The following PDE11A variants were observed in gnomAD, a reference collection of about 807,000 sequenced individuals.
PDE11A encodes dual 3',5'-cyclic-AMP and -GMP phosphodiesterase 11A.
PDE11A carries 100 observed loss-of-function variants against 100.5 expected under a neutral mutation model. The observed-to-expected ratio is 1.00, with a 90% CI of 0.85 to 1.18. PDE11A has a LOEUF of 1.18. Ranked by LOEUF, PDE11A falls within the 50% of genes most tolerant of loss-of-function variation. The pLI is 0.00. For missense variants in PDE11A, 1,141 were observed against 1,152.6 expected (o/e 0.99, Z 0.15); for synonymous variants, 381 against 420.8 (o/e 0.91, Z 1.16).
chr2:177,906,184 C>T (rs1474500364), intron 2 of PDE11A, among the ~76,000 whole-genome samples: 2 of 117,740 alleles, frequency 1.7e-5, no homozygotes, highest in Non-Finnish European at 4.3e-5. Context: ...CACACACGCA[C>T]GCACGCACGC....
intron 3 of PDE11A, among the ~76,000 whole-genome samples, chr2:177,903,073 T>C (rs1358299): frequency 0.11 from 17,114 of 152,196 alleles, 1,107 homozygotes; most frequent in African/African-American, 0.19. Context: ...CAGGCTTTTC[T>C]ACCATCTGGC....
intron 9 of PDE11A, among the ~76,000 whole-genome samples, chr2:177,795,548 T>C (rs1452890781): frequency 6.6e-6 from 1 of 152,170 alleles, no homozygotes; most frequent in East Asian, 1.9e-4. Flanking sequence ...TTTTATGCTC[T>C]TTGTTTTTAG....
At chr2:177,753,781 G>T (rs147365081) in intron 10 of PDE11A, among the ~76,000 whole-genome samples, 8 of 151,130 alleles carry the variant, frequency 5.3e-5, no homozygotes, top group African/African-American at 1.9e-4. Flanking sequence ...AAGATTGGGG[G>T]GGCCAACATC....
chr2:177,755,522 C>A lies in PDE11A; in HGVS notation c.1788+13801G>T, dbSNP rs142931850. Reference sequence around the variant, plus strand: ...CAGCTATGATACCATCCACCAGGTACCTCTTTCCTTTCTAGAACTGGCCCT... The same window carrying A: ...CAGCTATGATACCATCCACCAGGTAACTCTTTCCTTTCTAGAACTGGCCCT... On this transcript the variant is annotated intron_variant, in intron 10 of 19. Coordinates refer to ENST00000286063, the MANE Select transcript of PDE11A (RefSeq NM_016953.4). 3.2e-3 allele frequency among the ~76,000 whole-genome samples: 488 copies of A among 152,246 alleles called. 4 individuals are homozygous for A. Among genetic ancestry groups the A allele is most frequent in the African/African-American group, 0.011 (451 of 41,536 alleles).
chr2:177,804,775 G>A (rs956591447), intron 9 of PDE11A, among the ~76,000 whole-genome samples: 1 of 151,834 alleles, frequency 6.6e-6, no homozygotes, highest in Non-Finnish European at 1.5e-5. Flanking sequence ...TATGTCTTTT[G>A]CAGTAACATA....
At chr2:177,903,081 G>A (rs2084723671) in intron 3 of PDE11A, among the ~76,000 whole-genome samples, 1 of 151,966 alleles carries the variant, frequency 6.6e-6, no homozygotes, top group Non-Finnish European at 1.5e-5. Flanking sequence ...TCTACCATCT[G>A]GCCTGCCTCC....
At chr2:177,874,214 A>G (rs1375949500) in intron 5 of PDE11A, among the ~76,000 whole-genome samples, 1 of 152,178 alleles carries the variant, frequency 6.6e-6, no homozygotes, top group Non-Finnish European at 1.5e-5. Context: ...AGGGCCTCAA[A>G]CAAGTTACTT....
intron 2 of PDE11A, among the ~76,000 whole-genome samples, chr2:177,962,008 G>A (rs1451967849): frequency 8.5e-6 from 1 of 118,086 alleles, no homozygotes; most frequent in Non-Finnish European, 1.6e-5. Flanking sequence ...AGTGAGCCAA[G>A]ATCACACTAC....
At chr2:178,047,795 A>G (rs555093753) in intron 1 of PDE11A, among the ~76,000 whole-genome samples, 1 of 152,232 alleles carries the variant, frequency 6.6e-6, no homozygotes, top group African/African-American at 2.4e-5. Context: ...GAGCTGAGAG[A>G]GTCTCAGAAG....
At chr2:177,880,768 T>G (rs2084318401) in intron 4 of PDE11A, among the ~76,000 whole-genome samples, 1 of 152,312 alleles carries the variant, frequency 6.6e-6, no homozygotes, top group Non-Finnish European at 1.5e-5. Context: ...TTCATTAGTG[T>G]CTTTAGAAGA....
At chr2:177,775,467 C>T (rs1362866875) in intron 9 of PDE11A, among the ~76,000 whole-genome samples, 1 of 152,176 alleles carries the variant, frequency 6.6e-6, no homozygotes. Context: ...TCCCACTGCA[C>T]TTTTGCTGTA....
chr2:177,804,433 A>C (rs2082838553), intron 9 of PDE11A, among the ~76,000 whole-genome samples: 1 of 151,980 alleles, frequency 6.6e-6, no homozygotes, highest in South Asian at 2.1e-4. Flanking sequence ...AAAACAACAG[A>C]TATTGGCAAG....
intron 2 of PDE11A, among the ~76,000 whole-genome samples, chr2:177,970,368 C>T (rs531674959): frequency 6.6e-6 from 1 of 151,968 alleles, no homozygotes; most frequent in South Asian, 2.1e-4. Context: ...GGTTATAGAT[C>T]CAAGAGTCAT....
intron 5 of PDE11A, among the ~76,000 whole-genome samples, chr2:177,861,495 C>T (rs947755015): frequency 1.4e-4 from 21 of 151,916 alleles, no homozygotes; most frequent in African/African-American, 4.8e-4. Context: ...TTGCAATACT[C>T]TCCAAATTGA....
intron 1 of PDE11A, among the ~76,000 whole-genome samples, chr2:178,054,569 G>A (rs1030996872): frequency 2.0e-5 from 3 of 152,086 alleles, no homozygotes; most frequent in Non-Finnish European, 2.9e-5. Flanking sequence ...GCAACCTAAA[G>A]AATGGGAGAA....
chr2:177,712,250 G>C (rs2081368185), intron 12 of PDE11A, among the ~76,000 whole-genome samples: 1 of 152,116 alleles, frequency 6.6e-6, no homozygotes, highest in African/African-American at 2.4e-5. Context: ...TTGGAGGTTG[G>C]GGAATAGGAA....
intron 2 of PDE11A, among the ~76,000 whole-genome samples, chr2:177,935,430 A>G (rs34298599): frequency 0.087 from 13,209 of 152,246 alleles, 550 homozygotes; most frequent in South Asian, 0.1. Flanking sequence ...ATTTTACCAT[A>G]TTGATTTATA....
chr2:177,641,295 A>G (rs546191320), intron 19 of PDE11A, among the ~76,000 whole-genome samples: 1 of 152,274 alleles, frequency 6.6e-6, no homozygotes, highest in African/African-American at 2.4e-5. Flanking sequence ...CAGAAACAAA[A>G]CCATAAAGAC....
chr2:177,642,183 A>G (rs1482600023), intron 19 of PDE11A, among the ~76,000 whole-genome samples: 1 of 152,248 alleles, frequency 6.6e-6, no homozygotes, highest in African/African-American at 2.4e-5. Flanking sequence ...CTCATTAGCT[A>G]ATAAATGTTT....
Sources: allele counts gnomAD v4.1 joint callset (sites outside exome capture counted in the v4.1 genomes callset), GRCh38; gene constraint gnomAD v4.1.1; transcripts MANE v1.5; gene names NCBI Gene and HGNC (gene_info 2026-07-23, HGNC 2026-07-21).